Variants in USP4 observed in about 807,000 individuals in gnomAD.
USP4 encodes the protein ubiquitin specific peptidase 4.
Under a neutral mutation model 118.2 loss-of-function variants are expected in USP4, and 72 were observed. That is an observed-to-expected ratio of 0.61 (90% CI 0.50 to 0.74). The LOEUF (loss-of-function observed/expected upper bound fraction) is 0.74, where lower values mean the gene tolerates loss of function less well. Among genes scored for constraint, USP4 ranks in the 30% least tolerant of loss-of-function variants. The pLI is 0.00. For missense variants in USP4, 1,037 were observed against 1,185.7 expected, an observed-to-expected ratio of 0.87 and a Z score of 1.84; for synonymous variants, 415 against 440.4, an observed-to-expected ratio of 0.94 and a Z score of 0.72.
chr3:49,286,779 A>G (rs2047094418), intron 15 of USP4, among the ~76,000 whole-genome samples: 2 of 151,872 alleles, frequency 1.3e-5, no homozygotes, highest in Non-Finnish European at 2.9e-5. Context: ...TCCATCATCC[A>G]TCCATCTATC....
chr3:49,284,719 T>A, intron 17 of USP4, 130 bp downstream of exon 17: 3 of 1,238,956 alleles, frequency 2.4e-6, no homozygotes, highest in Non-Finnish European at 3.5e-6. Flanking sequence ...GACAAAATCT[T>A]GAAGTGCTTT....
intron 19 of USP4, among the ~76,000 whole-genome samples, chr3:49,281,509 C>CAT (rs1404285003): frequency 4.0e-5 from 6 of 148,282 alleles, no homozygotes; most frequent in Non-Finnish European, 5.9e-5. Flanking sequence ...CACACACACA[C>CAT]ACACACACAC....
intron 2 of USP4, among the ~76,000 whole-genome samples, chr3:49,329,349 C>A (rs1163269732): frequency 2.0e-5 from 3 of 152,048 alleles, no homozygotes; most frequent in Admixed American, 2.0e-4. Context: ...TTCTTCCAGA[C>A]TCCTATTAAT....
At chr3:49,287,042 G>A (rs1410106935) in intron 15 of USP4, among the ~76,000 whole-genome samples, 1 of 152,046 alleles carries the variant, frequency 6.6e-6, no homozygotes, top group Non-Finnish European at 1.5e-5. Context: ...AGTAGAGACG[G>A]GGTTTCACCA....
rs1194909956 is a variant in USP4 at position 49,317,035 on chromosome 3, G to T, written c.696-5381C>A. On this transcript the variant is annotated intron_variant, in intron 6 of 21. Transcript: ENST00000265560. ...AGACGCTCTGTGGACAGACTTGCTG[G>T]GGCTGAGTTGAGGGGCGCACAGAGG... 4 of 907,746 alleles carry T rather than the reference G, an allele frequency of 4.4e-6. No individual in the cohort carries two copies. The Admixed American group carries it at 8.0e-5, about 18-fold the overall frequency. The allele number at this position is 907,746 out of a possible 1,614,324, so 56.2% of individuals were successfully genotyped here.
intron 2 of USP4, among the ~76,000 whole-genome samples, chr3:49,328,727 A>G (rs2047582724): frequency 1.3e-5 from 2 of 148,996 alleles, no homozygotes; most frequent in Non-Finnish European, 3.0e-5. Context: ...GGGCATGGTG[A>G]TGCATGCCTG....
At chr3:49,279,611 C>G (rs2046996497) in intron 20 of USP4, among the ~76,000 whole-genome samples, 1 of 152,176 alleles carries the variant, frequency 6.6e-6, no homozygotes, top group African/African-American at 2.4e-5. Flanking sequence ...AGCCCAGTTC[C>G]TGCTCCACCC....
In USP4 at chr3:49,305,738, G is replaced by A. The variant is rs952699707; in HGVS notation, c.1105C>T (p.His369Tyr). 1 of 1,610,742 alleles carries A rather than the reference G, an allele frequency of 6.2e-7. No individual in the cohort carries two copies. ...IKQMWSGRDA[H>Y]VAPRMFKTQV... ...ACTTTGAACATGCGAGGTGCCACAT[G>A]GGCGTCCCTTCCAGACCACATCTGC... is the stretch of plus-strand genomic sequence containing the variant. Residue 369 changes from histidine to tyrosine, a missense_variant, in exon 9 of 22, where the codon CAT becomes TAT. This residue lies in a region of USP4 where 487 missense variants were observed against 534.1 expected (regional missense o/e 0.91). Coordinates refer to ENST00000265560, the MANE Select transcript of USP4 (RefSeq NM_003363.4).
intron 9 of USP4, among the ~76,000 whole-genome samples, chr3:49,304,816 T>A (rs931163181): frequency 1.3e-5 from 2 of 151,958 alleles, no homozygotes; most frequent in East Asian, 3.9e-4. Context: ...CAGGCTGGAG[T>A]GCAGTGGCGT....
At chr3:49,337,011 GCAGTGGCTCACACCTGTAAT>G (rs1039416299) in intron 1 of USP4, among the ~76,000 whole-genome samples, 30 of 152,138 alleles carry the variant, frequency 2.0e-4, no homozygotes, top group African/African-American at 7.0e-4. Flanking sequence ...AAGGCCAGGC[GCAGTGGCTCACACCTGTAAT>G]CCCAGCACTT....
At chr3:49,322,931 G>A (rs1331588180) in intron 6 of USP4, among the ~76,000 whole-genome samples, 1 of 151,038 alleles carries the variant, frequency 6.6e-6, no homozygotes, top group South Asian at 2.1e-4. Context: ...TTCTCTCACT[G>A]TATGGCTTAT....
chr3:49,281,533 T>C (rs550402058), intron 19 of USP4, among the ~76,000 whole-genome samples: 3,353 of 126,656 alleles, frequency 0.026, 66 homozygotes, highest in Middle Eastern at 0.091. Flanking sequence ...CACACACACA[T>C]ATATACATTT....
At chr3:49,331,599 C>T (rs772138790) in intron 2 of USP4, among the ~76,000 whole-genome samples, 8 of 152,008 alleles carry the variant, frequency 5.3e-5, no homozygotes, top group East Asian at 1.9e-4. Context: ...CCAGCCTGGG[C>T]GACACAGCGA....
intron 9 of USP4, among the ~76,000 whole-genome samples, chr3:49,303,406 G>A (rs552536986): frequency 1.1e-4 from 14 of 129,262 alleles, no homozygotes; most frequent in South Asian, 2.4e-4. Context: ...GTGCCAGTAC[G>A]CTCCAGCCTG....
Position 49,298,580 on chromosome 3 carries a change from G to A in USP4, c.1568C>T (p.Ser523Phe). Residue 523 changes from serine to phenylalanine, a missense_variant, in exon 12 of 22, where the codon TCC (serine) becomes TTC (phenylalanine). Physicochemically the swap from Ser to Phe is radical, Grantham distance 155. Around this residue, in one of 3 missense-constraint regions of USP4, gnomAD observed 522 missense variants for 592.6 expected, o/e 0.88. Transcript: ENST00000265560. Reference sequence around the variant, plus strand: ...TTCTGCAGCAATGCCAGACAGCCTGGAGAGAGCCTCGCACAGGTCGGACAC... The same window carrying A: ...TTCTGCAGCAATGCCAGACAGCCTGAAGAGAGCCTCGCACAGGTCGGACAC... ...GAVSDLCEAL[S>F]RLSGIAAENM... 1 of 1,614,170 alleles carries A rather than the reference G, an allele frequency of 6.2e-7. No homozygotes were observed.
chr3:49,336,601 C>T (rs541253399), intron 1 of USP4, among the ~76,000 whole-genome samples: 4 of 151,068 alleles, frequency 2.6e-5, no homozygotes, highest in Admixed American at 2.0e-4. Context: ...CTCGGCTCTC[C>T]GCAACCTCCG....
chr3:49,295,714 G>GCGCGCGCA (rs149459963), intron 13 of USP4, among the ~76,000 whole-genome samples: 10 of 148,416 alleles, frequency 6.7e-5, no homozygotes, highest in African/African-American at 2.3e-4. Context: ...GCGCGCGCGC[G>GCGCGCGCA]CACACACACA....
chr3:49,298,140 T>C (rs566743747), intron 12 of USP4, among the ~76,000 whole-genome samples, 176 bp from the exon 13 acceptor site: 47 of 152,330 alleles, frequency 3.1e-4, no homozygotes, highest in Admixed American at 1.6e-3. Context: ...GGGAGCAGCA[T>C]GGCTGCCATC....
rs1003808731 is a variant in USP4 at position 49,277,922 on chromosome 3, C to A, written c.*371G>T. 9 of 393,748 alleles carry A rather than the reference C, an allele frequency of 2.3e-5. No individual in the cohort carries two copies. The highest frequency in any genetic ancestry group is 1.2e-4 in the African/African-American group (6 of 48,442). The allele number at this position is 393,748 out of a possible 1,614,324, so 24.4% of individuals were successfully genotyped here. A position where few individuals can be genotyped will look rare whatever the true frequency, so the allele number is the denominator to read the frequency against. On this transcript the variant is annotated 3_prime_UTR_variant, in exon 22 of 22. Coordinates refer to ENST00000265560, the MANE Select transcript of USP4 (RefSeq NM_003363.4). Reference sequence around the variant, plus strand: ...TTGGCATCAGAACCAGAAATCCAGGCGCTCAGGGCAGCCCTGCAGGTGGGG... The same window carrying A: ...TTGGCATCAGAACCAGAAATCCAGGAGCTCAGGGCAGCCCTGCAGGTGGGG...
Sources: allele counts gnomAD v4.1 joint callset (sites outside exome capture counted in the v4.1 genomes callset), GRCh38; gene constraint gnomAD v4.1.1; regional missense constraint gnomAD v4.1.1; transcripts MANE v1.5; gene names NCBI Gene and HGNC (gene_info 2026-07-23, HGNC 2026-07-21).